Variants in NELL1 observed in about 807,000 individuals in gnomAD.
NELL1 encodes protein kinase C-binding protein NELL1.
NELL1 carries 76 observed loss-of-function variants against 107.4 expected under a neutral mutation model. The observed-to-expected ratio is 0.71, with a 90% CI of 0.59 to 0.86. NELL1 has a LOEUF of 0.86. Ranked by LOEUF, NELL1 falls within the 40% of genes least tolerant of loss-of-function variation. NELL1 has a pLI of 0.00. For missense variants in NELL1, 1,024 were observed against 1,005.5 expected, an observed-to-expected ratio of 1.02 and a Z score of -0.25; for synonymous variants, 353 against 341.2, an observed-to-expected ratio of 1.03 and a Z score of -0.38.
intron 12 of NELL1, among the ~76,000 whole-genome samples, chr11:21,008,733 T>C (rs1354418433): frequency 1.3e-5 from 2 of 152,118 alleles, no homozygotes; most frequent in African/African-American, 4.8e-5. Flanking sequence ...GTCCAGAGGT[T>C]TCTCTGTGGG....
At position 20,847,725 on chromosome 11, in the gene NELL1, C is replaced by T. The variant is rs756743379; in HGVS notation, c.478C>T (p.His160Tyr). 9.9e-6 allele frequency: 16 copies of T among 1,612,724 alleles called. No homozygotes were observed. The highest frequency in any genetic ancestry group is 1.3e-5 in the African/African-American group (1 of 74,864). Residue 160 changes from histidine to tyrosine, a missense_variant, in exon 4 of 20, where the codon CAT becomes TAT. By Grantham distance (83) the His-to-Tyr change is moderately conservative. Coordinates refer to ENST00000357134, the MANE Select transcript of NELL1 (RefSeq NM_006157.5). Reference sequence around the variant, plus strand: ...GGTTGCACTGTCAGTTAGCGCCTCTCATCTCCTGCTCCATGTCGACTGTAA... The same window carrying T: ...GGTTGCACTGTCAGTTAGCGCCTCTTATCTCCTGCTCCATGTCGACTGTAA... Reference protein sequence around the residue: ...HKVALSVSASHLLLHVDCNRI... With the variant: ...HKVALSVSASYLLLHVDCNRI...
intron 14 of NELL1, among the ~76,000 whole-genome samples, chr11:21,257,646 T>C (rs1590779267): frequency 6.6e-6 from 1 of 151,972 alleles, no homozygotes; most frequent in Non-Finnish European, 1.5e-5. Flanking sequence ...CATAGATGTT[T>C]CCCCATGGCC....
At chr11:21,156,452 T>G (rs1444533574) in intron 13 of NELL1, among the ~76,000 whole-genome samples, 1 of 151,962 alleles carries the variant, frequency 6.6e-6, no homozygotes, top group Non-Finnish European at 1.5e-5. Flanking sequence ...TCATCTAGGC[T>G]AAATAGTCAG....
chr11:21,298,604 A>G (rs989583257), intron 14 of NELL1, among the ~76,000 whole-genome samples: 21 of 151,982 alleles, frequency 1.4e-4, no homozygotes, highest in African/African-American at 3.9e-4. Flanking sequence ...AGCAGGTGGC[A>G]TAATCTACTC....
chr11:20,975,662 A>G (rs141522320), intron 12 of NELL1, among the ~76,000 whole-genome samples: 4,750 of 105,256 alleles, frequency 0.045, 175 homozygotes, highest in Middle Eastern at 0.1. Flanking sequence ...TGTATTATAT[A>G]ATATACATAT....
At chr11:21,507,609 A>C (rs894852431) in intron 15 of NELL1, among the ~76,000 whole-genome samples, 6 of 152,186 alleles carry the variant, frequency 3.9e-5, no homozygotes, top group Admixed American at 3.9e-4. Context: ...CATAGAAGAA[A>C]GACTTTATTT....
intron 15 of NELL1, among the ~76,000 whole-genome samples, chr11:21,475,619 A>G (rs1854310577): frequency 6.6e-6 from 1 of 152,186 alleles, no homozygotes; most frequent in Non-Finnish European, 1.5e-5. Flanking sequence ...GAGGTTATGA[A>G]TGGGTCATGT....
At chr11:21,150,699 C>A (rs908652915) in intron 13 of NELL1, among the ~76,000 whole-genome samples, 8 of 152,138 alleles carry the variant, frequency 5.3e-5, no homozygotes, top group African/African-American at 1.9e-4. Flanking sequence ...TGAGGGACAG[C>A]ACACTACTCT....
At chr11:21,243,286 C>T (rs1456150400) in intron 14 of NELL1, among the ~76,000 whole-genome samples, 1 of 152,012 alleles carries the variant, frequency 6.6e-6, no homozygotes, top group East Asian at 1.9e-4. Context: ...GAATACTTTG[C>T]TTAAATAAGT....
At chr11:20,676,074 C>T (rs1854048347) in intron 1 of NELL1, among the ~76,000 whole-genome samples, 1 of 152,120 alleles carries the variant, frequency 6.6e-6, no homozygotes, top group South Asian at 2.1e-4. Context: ...TTCTCTACCC[C>T]TGGCCCATTC....
At chr11:21,354,380 G>T (rs758778184) in intron 14 of NELL1, among the ~76,000 whole-genome samples, 12 of 151,516 alleles carry the variant, frequency 7.9e-5, no homozygotes, top group African/African-American at 2.9e-4. Context: ...TCTCCTTCCC[G>T]CTTCACTTAG....
In NELL1 at chr11:20,928,469, G is replaced by C. The variant is rs1248229029; in HGVS notation, c.987G>C (p.Lys329Asn). 1 of 1,613,770 alleles carries C rather than the reference G, an allele frequency of 6.2e-7. No homozygotes were observed. Among genetic ancestry groups the C allele is most frequent in the Admixed American group, 1.7e-5 (1 of 60,012 alleles). Residue 329 changes from lysine to asparagine, a missense_variant, in exon 9 of 20, where the codon AAG becomes AAC. Physicochemically the swap from Lys to Asn is moderately conservative, Grantham distance 94. Coordinates refer to ENST00000357134, the MANE Select transcript of NELL1 (RefSeq NM_006157.5). ...LPVHIAGQCC[K>N]VCRPKCIYGG... is the part of the protein sequence containing the mutation. ...TGCACATTGCTGGCCAGTGCTGTAA[G>C]GTCTGCCGACGTAAGTACTGACTGA...
At chr11:21,482,705 A>G (rs1246404731) in intron 15 of NELL1, among the ~76,000 whole-genome samples, 1 of 151,736 alleles carries the variant, frequency 6.6e-6, no homozygotes, top group Non-Finnish European at 1.5e-5. Flanking sequence ...GGTGGAACTC[A>G]GTGGCCCTCA....
intron 12 of NELL1, among the ~76,000 whole-genome samples, chr11:21,097,178 C>G (rs80352056): frequency 0.011 from 1,653 of 152,284 alleles, 30 homozygotes; most frequent in African/African-American, 0.038. Flanking sequence ...TCTACTTGTA[C>G]TGTTCTTAAC....
At chr11:21,262,790 C>G (rs1050282868) in intron 14 of NELL1, among the ~76,000 whole-genome samples, 2 of 151,810 alleles carry the variant, frequency 1.3e-5, no homozygotes, top group African/African-American at 4.8e-5. Context: ...ATATTCATAA[C>G]ATTTAAGTCT....
chr11:21,455,777 A>C (rs1272021190), intron 15 of NELL1, among the ~76,000 whole-genome samples: 1 of 151,620 alleles, frequency 6.6e-6, no homozygotes, highest in East Asian at 1.9e-4. Flanking sequence ...CATCTTTGGA[A>C]AGATGCCAGC....
At chr11:20,985,902 T>G (rs11025859) in intron 12 of NELL1, among the ~76,000 whole-genome samples, 29,339 of 151,870 alleles carry the variant, frequency 0.19, 3,190 homozygotes, top group Middle Eastern at 0.3. Context: ...GAAGAAGGAG[T>G]CTTTTGGATT....
At chr11:21,498,915 A>T (rs1855061978) in intron 15 of NELL1, among the ~76,000 whole-genome samples, 1 of 151,918 alleles carries the variant, frequency 6.6e-6, no homozygotes, top group African/African-American at 2.4e-5. Context: ...CTTTTAATTT[A>T]TTTATTGATC....
intron 4 of NELL1, among the ~76,000 whole-genome samples, chr11:20,864,094 C>G (rs4534580): frequency 3.0e-5 from 1 of 33,222 alleles, no homozygotes; most frequent in African/African-American, 4.0e-5. Flanking sequence ...AGAGGGAGAC[C>G]GTGGAAAGAG....
Sources: gnomAD v4.1 joint callset for allele counts (sites outside exome capture counted in the v4.1 genomes callset) on GRCh38, gnomAD v4.1.1 for gene constraint, MANE v1.5 for transcripts, NCBI Gene and HGNC (gene_info 2026-07-23, HGNC 2026-07-21) for gene names.